The following SELE variants were observed in gnomAD, a reference collection of about 807,000 sequenced individuals.
The protein encoded by SELE is E-selectin.
In SELE, 52 loss-of-function variants were observed where a neutral mutation model predicts 75.8. The ratio of observed to expected loss-of-function variants is 0.69; its 90% confidence interval spans 0.55 to 0.86. SELE has a LOEUF of 0.86. SELE is among the 40% of genes least tolerant of loss of function. The pLI is 0.00. For missense variants in SELE, 754 were observed against 732.7 expected (o/e 1.03, Z -0.34); for synonymous variants, 285 against 258.7 (o/e 1.10, Z -0.98).
intron 9 of SELE, 45 bp downstream of exon 9, chr1:169,727,694 G>C (rs1465248399): frequency 6.3e-7 from 1 of 1,578,896 alleles, no homozygotes; most frequent in East Asian, 2.2e-5. Context: ...GAAACTTTAT[G>C]AAGTATTTGA....
chr1:169,729,663 A>G lies in SELE; in HGVS notation c.726T>C (p.Cys242=). ...CATTGGCTGGATTTGTCACAGCATC[A>G]CACTCAACCACTGAGGATTTTAAAG... ...APIPACNVVE[C]DAVTNPANGF... is the part of the protein sequence containing the mutation. Residue 242 remains cysteine (C), a synonymous_variant, in exon 6 of 14, where the codon TGT becomes TGC. Coordinates refer to ENST00000333360, the MANE Select transcript of SELE (RefSeq NM_000450.2). The G allele has an allele frequency of 1.9e-6, 3 of 1,613,952 alleles. No individual in the cohort carries two copies. Among genetic ancestry groups the G allele is most frequent in the Non-Finnish European group, 2.5e-6 (3 of 1,179,904 alleles).
Position 169,729,583 on chromosome 1 carries a change from G to A in SELE, c.806C>T (p.Thr269Ile), listed in dbSNP as rs1399549958. The change falls in exon 6 of 14, where the codon ACA (threonine) becomes ATA (isoleucine). Residue 269 changes from threonine (T) to isoleucine (I), a missense_variant. Thr to Ile is a moderately conservative substitution (Grantham distance 89). Coordinates refer to ENST00000333360, the MANE Select transcript of SELE (RefSeq NM_000450.2). ...TTCAAATCCTTCTTCACAGTCAAAT[G>A]TACAGGTTGTGTTCCATGGGAAGCT... Reference protein sequence around the residue: ...PGSFPWNTTCTFDCEEGFELM... With the variant: ...PGSFPWNTTCIFDCEEGFELM... 29 of 1,614,032 alleles carry A rather than the reference G, an allele frequency of 1.8e-5. No homozygotes were observed. Among genetic ancestry groups the A allele is most frequent in the Non-Finnish European group, 2.2e-5 (26 of 1,180,028 alleles).
At chr1:169,733,080 A>AT in intron 2 of SELE, 82 bp from the exon 3 acceptor site, 1 of 1,397,064 alleles carries the variant, frequency 7.2e-7, no homozygotes, top group Non-Finnish European at 9.5e-7. Flanking sequence ...TTATTGTCTT[A>AT]TTTTTGGCAA....
At chr1:169,725,680 T>G (rs960873499) in intron 13 of SELE, 49 bp downstream of exon 13, 1 of 1,466,302 alleles carries the variant, frequency 6.8e-7, no homozygotes, top group African/African-American at 1.4e-5. Flanking sequence ...AAACAGAGCA[T>G]GTAGAGAAGA....
chr1:169,727,631 T>C, intron 9 of SELE, 106 bp from the exon 10 acceptor site: 1 of 1,535,730 alleles, frequency 6.5e-7, no homozygotes, highest in Non-Finnish European at 8.8e-7. Flanking sequence ...CGCTACTTAG[T>C]TTTCAGCATG....
intron 12 of SELE, 48 bp from the exon 13 acceptor site, chr1:169,725,849 AAG>A: frequency 6.2e-7 from 1 of 1,613,858 alleles, no homozygotes; most frequent in Non-Finnish European, 8.5e-7. Context: ...TTCCAACATG[AAG>A]AGAGAAAAAT....
In SELE at chr1:169,728,164, C is replaced by T. The variant is rs757358822; in HGVS notation, c.1173G>A (p.Gly391=). ...LPSASGSFRY[G]SSCEFSCEQG... is the part of the protein sequence containing the mutation. Reference sequence around the variant, plus strand: ...GCTCACAGGAGAACTCACAGCTGGACCCATAACGGAAACTGCCAGAAGCAC... The same window carrying T: ...GCTCACAGGAGAACTCACAGCTGGATCCATAACGGAAACTGCCAGAAGCAC... Residue 391 remains glycine (G), a synonymous_variant, in exon 8 of 14, where the codon GGG becomes GGA. Transcript: ENST00000333360. The T allele has an allele frequency of 1.2e-6, 2 of 1,614,194 alleles. No individual in the cohort carries two copies. Among genetic ancestry groups the T allele is most frequent in the African/African-American group, 1.3e-5 (1 of 75,048 alleles).
chr1:169,725,937 G>T lies in SELE; in HGVS notation c.1754-9C>A. On this transcript the variant is annotated splice_polypyrimidine_tract_variant and intron_variant, in intron 11 of 13. Transcript: ENST00000333360. ...AGGAACAAATTTCTTTGCTGCAAAA[G>T]AAAAGACAAACAACCATTAATTCAG... is the stretch of plus-strand genomic sequence containing the variant. 1 of 1,613,834 alleles carries T rather than the reference G, an allele frequency of 6.2e-7. No homozygotes were observed.
At position 169,729,643 on chromosome 1, in the gene SELE, G is replaced by T; in HGVS notation, c.746C>A (p.Ala249Asp). The change falls in exon 6 of 14, where the codon GCC becomes GAC. Residue 249 changes from alanine to aspartate, a missense_variant. Transcript: ENST00000333360. Reference sequence around the variant, plus strand: ...TTGGAAACATTCCACGAACCCATTGGCTGGATTTGTCACAGCATCACACTC... The same window carrying T: ...TTGGAAACATTCCACGAACCCATTGTCTGGATTTGTCACAGCATCACACTC... Reference protein sequence around the residue: ...VVECDAVTNPANGFVECFQNP... With the variant: ...VVECDAVTNPDNGFVECFQNP... The T allele has an allele frequency of 1.9e-6, 3 of 1,614,106 alleles. No homozygotes were observed. Among genetic ancestry groups the T allele is most frequent in the Non-Finnish European group, 2.5e-6 (3 of 1,179,992 alleles).
In SELE at chr1:169,722,724, AAT is replaced by A. The variant is rs1648657484; in HGVS notation, c.*1799_*1800del. On this transcript the variant is annotated 3_prime_UTR_variant, in exon 14 of 14. Coordinates refer to ENST00000333360, the MANE Select transcript of SELE (RefSeq NM_000450.2). ...AGCTTAAATAAATATATACTTTAAA[AAT>A]TATAAAATATTTTAAGTTATAATTT... The A allele has an allele frequency of 6.6e-6, 1 of 152,184 alleles. No individual in the cohort carries two copies. The highest frequency in any genetic ancestry group is 2.4e-5 in the African/African-American group (1 of 41,464). The allele number at this position is 152,184 out of a possible 1,614,324, so 9.4% of individuals were successfully genotyped here. A position where few individuals can be genotyped will look rare whatever the true frequency, so the allele number is the denominator to read the frequency against.
At chr1:169,725,464 A>C (rs1390140421) in intron 13 of SELE, among the ~76,000 whole-genome samples, 2 of 152,160 alleles carry the variant, frequency 1.3e-5, no homozygotes, top group Non-Finnish European at 2.9e-5. Flanking sequence ...GCTTAGAAAA[A>C]TTCCCAGAAT....
At chr1:169,729,723 A>C in intron 5 of SELE, 50 bp from the exon 6 acceptor site, 2 of 1,580,720 alleles carry the variant, frequency 1.3e-6, no homozygotes, top group Non-Finnish European at 8.7e-7. Flanking sequence ...TGATCTTTTC[A>C]CTTCCTATTG....
intron 3 of SELE, among the ~76,000 whole-genome samples, 179 bp downstream of exon 3, chr1:169,732,436 A>G (rs540173736): frequency 6.6e-6 from 1 of 151,868 alleles, no homozygotes; most frequent in Admixed American, 6.6e-5. Context: ...ATATATATAC[A>G]TATCCACATA....
At position 169,726,704 on chromosome 1, in the gene SELE, C is replaced by T. The variant is rs755230390; in HGVS notation, c.1748G>A (p.Arg583Gln). The T allele has an allele frequency of 1.3e-5, 21 of 1,608,594 alleles. No individual in the cohort carries two copies. The highest frequency in any genetic ancestry group is 1.1e-4 in the African/African-American group (8 of 74,802). ...PFLLWLRKCL[R>Q]KAKKFVPASS... The stretch of plus-strand genomic sequence containing the variant: ...ACATTCATAAACTTCCTCACCTTTC[C>T]GTAAGCATTTCCGAAGCCAGAGGAG... Residue 583 changes from arginine to glutamine, a missense_variant, in exon 11 of 14, where the codon CGG becomes CAG. Arg to Gln is a conservative substitution (Grantham distance 43, BLOSUM62 1). Transcript: ENST00000333360.
In SELE at chr1:169,733,616, T is replaced by C. The variant is rs1001951376; in HGVS notation, c.-4A>G. 1 of 1,613,992 alleles carries C rather than the reference T, an allele frequency of 6.2e-7. No individual in the cohort carries two copies. The highest frequency in any genetic ancestry group is 8.5e-7 in the Non-Finnish European group (1 of 1,179,850). On this transcript the variant is annotated 5_prime_UTR_variant, in exon 2 of 14. Transcript: ENST00000333360. Reference sequence around the variant, plus strand: ...AGAGAAACTGTGAAGCAATCATGACTTCAAGAGTTCTTTTCACCCAAAGGT... The same window carrying C: ...AGAGAAACTGTGAAGCAATCATGACCTCAAGAGTTCTTTTCACCCAAAGGT...
intron 13 of SELE, among the ~76,000 whole-genome samples, chr1:169,725,380 C>G (rs1457802360): frequency 7.0e-6 from 1 of 143,696 alleles, no homozygotes; most frequent in Non-Finnish European, 1.5e-5. Flanking sequence ...GAGACTCCAT[C>G]TCAAAATTAA....
rs374737917 is a variant in SELE at position 169,726,369 on chromosome 1, A to T, written c.1753+330T>A. ...CAAATTTAAGCCTGTACTCCAAATAAATCTCCTTAGGAAGAATTTTATCCA... is the reference window on the plus strand; with the variant it reads ...CAAATTTAAGCCTGTACTCCAAATATATCTCCTTAGGAAGAATTTTATCCA... On this transcript the variant is annotated intron_variant, in intron 11 of 13. Transcript: ENST00000333360. 2.9e-3 allele frequency among the ~76,000 whole-genome samples: 443 copies of T among 152,326 alleles called. 15 individuals are homozygous for T. In the South Asian group the frequency reaches 0.087, roughly 30 times the overall value.
At chr1:169,727,641 G>A in intron 9 of SELE, 98 bp downstream of exon 9, 1 of 1,532,352 alleles carries the variant, frequency 6.5e-7, no homozygotes, top group Non-Finnish European at 8.8e-7. Context: ...TTTTCAGCAT[G>A]TAGGAAATTA....
chr1:169,733,662 T>G lies in SELE; in HGVS notation c.-48-2A>C, dbSNP rs757141305. 1.3e-6 allele frequency: 2 copies of G among 1,567,480 alleles called. No individual in the cohort carries two copies. The highest frequency in any genetic ancestry group is 4.5e-5 in the East Asian group (2 of 44,642). On this transcript the variant is annotated splice_acceptor_variant, in intron 1 of 13. Coordinates refer to ENST00000333360, the MANE Select transcript of SELE (RefSeq NM_000450.2). LOFTEE classifies it low-confidence loss of function (5UTR_SPLICE). ...AAGGTTTAGGCTTGAAATACTTTCC[T>G]GGGGAGATAAAACACAAAATGAATT...
Sources: gnomAD v4.1 joint callset for allele counts (sites outside exome capture counted in the v4.1 genomes callset) on GRCh38, gnomAD v4.1.1 for gene constraint, MANE v1.5 for transcripts, NCBI Gene and HGNC (gene_info 2026-07-23, HGNC 2026-07-21) for gene names.